ARSH: variants seen among roughly 807,000 people sequenced by gnomAD.
ARSH encodes the protein arylsulfatase H.
In ARSH, 32 loss-of-function variants were observed where a neutral mutation model predicts 28.7. That is an observed-to-expected ratio of 1.11 (90% CI 0.84 to 1.50). ARSH has a LOEUF of 1.50. Among genes scored for constraint, ARSH ranks in the 40% most tolerant of loss-of-function variants. The pLI, the probability that ARSH is intolerant of heterozygous loss-of-function variation, is 0.00. For synonymous variants in ARSH, 176 were observed against 177.3 expected, an observed-to-expected ratio of 0.99 and a Z score of 0.06; for missense variants, 440 against 452.4, an observed-to-expected ratio of 0.97 and a Z score of 0.25.
chrX:3,031,065 T>G (rs1444983025), intron 8 of ARSH, among the ~76,000 whole-genome samples: 1 of 109,817 alleles, frequency 9.1e-6, no homozygotes, highest in African/African-American at 3.3e-5. Flanking sequence ...GTGGGAAGTT[T>G]GAGGCTGCAG....
chrX:3,019,699 A>G (rs2089876196), intron 5 of ARSH, among the ~76,000 whole-genome samples: 2 of 111,324 alleles, frequency 1.8e-5, no homozygotes, highest in African/African-American at 6.5e-5. Context: ...CTGTTGACTT[A>G]TATGGAGTGC....
chrX:3,027,584 T>C, intron 7 of ARSH, 109 bp downstream of exon 7: 1 of 872,770 alleles, frequency 1.1e-6, no homozygotes, highest in South Asian at 2.8e-5. Flanking sequence ...TACTTAATTA[T>C]CAATATTCTG....
At chrX:3,029,077 CAAA>C (rs377018684) in intron 7 of ARSH, among the ~76,000 whole-genome samples, 167 bp from the exon 8 acceptor site, 1 of 81,021 alleles carries the variant, frequency 1.2e-5, no homozygotes, top group African/African-American at 4.4e-5. Flanking sequence ...GACTCCATTT[CAAA>C]AAAAAAAAAA....
intron 5 of ARSH, among the ~76,000 whole-genome samples, chrX:3,021,811 C>T (rs897957195): frequency 9.3e-6 from 1 of 107,029 alleles, no homozygotes; most frequent in Admixed American, 1.0e-4. Flanking sequence ...CTCCTCGGCT[C>T]AGGTGATCCT....
At chrX:3,016,265 G>A (rs190457869) in intron 4 of ARSH, among the ~76,000 whole-genome samples, 1 of 110,413 alleles carries the variant, frequency 9.1e-6, no homozygotes, top group Non-Finnish European at 1.9e-5. Context: ...ACCCACTTTG[G>A]CCTCCCAAAG....
chrX:3,006,795 A>C lies in ARSH; in HGVS notation c.92+91A>C, dbSNP rs1603463232. 9.0e-6 allele frequency: 7 copies of C among 774,104 alleles called. No individual in the cohort carries two copies. In the East Asian group the frequency reaches 2.3e-4, roughly 25 times the overall value. 63.8% of individuals were successfully genotyped at this position (774,104 alleles called of 1,213,427 possible). On this transcript the variant is annotated intron_variant, in intron 1 of 8. Coordinates refer to ENST00000381130, the MANE Select transcript of ARSH (RefSeq NM_001011719.2). ...TGCCGTTGCAGAGAAGGGTTTCTGG[A>C]GAGAAGTCATTGTCTGATGTTATCG...
At chrX:3,012,923 C>T in intron 2 of ARSH, 124 bp from the exon 3 acceptor site, 1 of 857,911 alleles carries the variant, frequency 1.2e-6, no homozygotes, top group Non-Finnish European at 1.6e-6. Context: ...AGCCAGAAAG[C>T]AACAGAAAAC....
chrX:3,012,348 G>A (rs1250495971), intron 2 of ARSH, among the ~76,000 whole-genome samples: 1 of 102,309 alleles, frequency 9.8e-6, no homozygotes, highest in East Asian at 3.1e-4. Context: ...GACCAGCCCG[G>A]CCAACATAGT....
intron 1 of ARSH, among the ~76,000 whole-genome samples, chrX:3,007,477 C>T (rs754126962): frequency 2.7e-5 from 3 of 111,459 alleles, no homozygotes; most frequent in East Asian, 2.8e-4. Flanking sequence ...CTCAGGCTGC[C>T]GTGACAAAGG....
At chrX:3,022,626 T>C (rs1169850049) in intron 5 of ARSH, among the ~76,000 whole-genome samples, 1 of 112,090 alleles carries the variant, frequency 8.9e-6, no homozygotes, top group East Asian at 2.8e-4. Context: ...TGAATGTTGT[T>C]TGGAATTTTG....
chrX:3,015,454 G>C, intron 4 of ARSH, 61 bp downstream of exon 4: 1 of 1,074,708 alleles, frequency 9.3e-7, no homozygotes, highest in Non-Finnish European at 1.3e-6. Flanking sequence ...TTCATAGGAG[G>C]TCATCACACC....
At chrX:3,021,116 G>T (rs1207943172) in intron 5 of ARSH, among the ~76,000 whole-genome samples, 1 of 110,281 alleles carries the variant, frequency 9.1e-6, no homozygotes, top group African/African-American at 3.3e-5. Flanking sequence ...GTTAAAAATA[G>T]CTATAACACT....
At chrX:3,020,668 G>A (rs1204207278) in intron 5 of ARSH, among the ~76,000 whole-genome samples, 1 of 110,539 alleles carries the variant, frequency 9.0e-6, no homozygotes, top group African/African-American at 3.3e-5. Flanking sequence ...AGCAGAAATG[G>A]GGAGAAAAAA....
chrX:3,010,162 A>G lies in ARSH; in HGVS notation c.214+11A>G, dbSNP rs752108185. 2 of 1,203,694 alleles carry G rather than the reference A, an allele frequency of 1.7e-6. No homozygotes were observed. The highest frequency in any genetic ancestry group is 5.9e-5 in the East Asian group (2 of 33,661). ...ACCCCATCAGATCAGGTGAGGCAAT[A>G]AAAAGGCAGCAACATTTCAGTCTCA... On this transcript the variant is annotated intron_variant, in intron 2 of 8. Coordinates refer to ENST00000381130, the MANE Select transcript of ARSH (RefSeq NM_001011719.2).
intron 7 of ARSH, among the ~76,000 whole-genome samples, chrX:3,028,815 C>T (rs1159770954): frequency 3.6e-5 from 4 of 110,955 alleles, no homozygotes; most frequent in Non-Finnish European, 7.6e-5. Context: ...CGCCGTGGCT[C>T]ACGCCTGTAA....
At chrX:3,015,948 A>G (rs1233889736) in intron 4 of ARSH, among the ~76,000 whole-genome samples, 3 of 111,254 alleles carry the variant, frequency 2.7e-5, no homozygotes, top group Non-Finnish European at 5.7e-5. Context: ...AAAAACCAAA[A>G]CAAAAACAAA....
At chrX:3,021,030 A>G (rs141806562) in intron 5 of ARSH, among the ~76,000 whole-genome samples, 1,212 of 111,820 alleles carry the variant, frequency 0.011, 4 homozygotes, top group Middle Eastern at 0.038. Context: ...ATAGCACTGT[A>G]TGTTGCATAT....
intron 8 of ARSH, among the ~76,000 whole-genome samples, chrX:3,030,041 G>A (rs1413213159): frequency 2.7e-5 from 3 of 111,374 alleles, no homozygotes; most frequent in Non-Finnish European, 5.6e-5. Context: ...TTTTAACTTA[G>A]GGAGGTGAGT....
intron 6 of ARSH, among the ~76,000 whole-genome samples, chrX:3,026,844 T>C (rs867744943): frequency 1.1e-5 from 1 of 88,159 alleles, no homozygotes; most frequent in Non-Finnish European, 2.3e-5. Context: ...TTTTCTTTTC[T>C]TTTTCTTTTT....
Sources: allele counts gnomAD v4.1 joint callset (sites outside exome capture counted in the v4.1 genomes callset), GRCh38; gene constraint gnomAD v4.1.1; transcripts MANE v1.5; gene names NCBI Gene and HGNC (gene_info 2026-07-23, HGNC 2026-07-21).